SNTG2: variants seen among roughly 807,000 people sequenced by gnomAD.
SNTG2 encodes syntrophin gamma 2.
Under a neutral mutation model 70.9 loss-of-function variants are expected in SNTG2, and 74 were observed. The observed-to-expected ratio is 1.04, with a 90% CI of 0.86 to 1.27. The LOEUF (loss-of-function observed/expected upper bound fraction) is 1.27, where lower values mean the gene tolerates loss of function less well. Among genes scored for constraint, SNTG2 ranks in the 50% most tolerant of loss-of-function variants. The probability of loss-of-function intolerance (pLI) is 0.00; values close to 1 mark genes in which losing one functional copy is unlikely to be tolerated. For synonymous variants in SNTG2, 278 were observed against 273.8 expected, an observed-to-expected ratio of 1.02 and a Z score of -0.15; for missense variants, 717 against 690.7, an observed-to-expected ratio of 1.04 and a Z score of -0.43.
chr2:1,270,181 A>G (rs187636781), intron 14 of SNTG2, among the ~76,000 whole-genome samples: 1 of 152,256 alleles, frequency 6.6e-6, no homozygotes, highest in African/African-American at 2.4e-5. Flanking sequence ...CCAGGTAGTG[A>G]CCTGACTCCT....
At chr2:1,134,614 A>G (rs1276308621) in intron 4 of SNTG2, among the ~76,000 whole-genome samples, 2 of 152,166 alleles carry the variant, frequency 1.3e-5, no homozygotes, top group Admixed American at 6.5e-5. Flanking sequence ...TTAGCTAGAC[A>G]TAAAGGTTCT....
In SNTG2 at chr2:1,072,877, C is replaced by T. The variant is rs552506649; in HGVS notation, c.73-10641C>T. ...ACTTCGGAAGATGGTGATTCCAGCCCTCATGGGTGACTATGAGGGATTTAA... is the reference window on the plus strand; with the variant it reads ...ACTTCGGAAGATGGTGATTCCAGCCTTCATGGGTGACTATGAGGGATTTAA... On this transcript the variant is annotated intron_variant, in intron 1 of 16. Coordinates refer to ENST00000308624, the MANE Select transcript of SNTG2 (RefSeq NM_018968.4). Among the ~76,000 whole-genome samples the T allele has an allele frequency of 3.9e-5, 6 of 152,238 alleles. No individual in the cohort carries two copies. The South Asian group carries it at 1.0e-3, about 26-fold the overall frequency.
intron 4 of SNTG2, among the ~76,000 whole-genome samples, chr2:1,128,235 AATTT>A (rs1450078833): frequency 1.3e-5 from 2 of 152,202 alleles, no homozygotes; most frequent in African/African-American, 4.8e-5. Flanking sequence ...TAAGGAATGC[AATTT>A]ATTCATTTTC....
Position 1,062,915 on chromosome 2 carries a change from TACAC to T in SNTG2, c.73-20597_73-20594del, listed in dbSNP as rs950978033. Among the ~76,000 whole-genome samples, 58 of 152,320 alleles carry T rather than the reference TACAC, an allele frequency of 3.8e-4. No individual in the cohort carries two copies. The Middle Eastern group carries it at 0.02, about 54-fold the overall frequency. On this transcript the variant is annotated intron_variant, in intron 1 of 16. Transcript: ENST00000308624. ...ATACATATACACACATATACATACA[TACAC>T]ACACAGCTTGGTTACAATGCATATT...
intron 1 of SNTG2, among the ~76,000 whole-genome samples, chr2:1,066,592 T>G (rs1288001604): frequency 6.6e-6 from 1 of 152,084 alleles, no homozygotes; most frequent in Non-Finnish European, 1.5e-5. Flanking sequence ...AGCTTCTTGA[T>G]CCAGCCACTG....
chr2:1,256,685 A>G (rs901738421), intron 12 of SNTG2: 3 of 152,076 alleles, frequency 2.0e-5, no homozygotes, highest in African/African-American at 7.2e-5. Flanking sequence ...TAAATTAGAG[A>G]AGCATTCACA....
chr2:1,207,139 T>C (rs541661077), intron 8 of SNTG2, among the ~76,000 whole-genome samples: 1 of 152,244 alleles, frequency 6.6e-6, no homozygotes, highest in Non-Finnish European at 1.5e-5. Context: ...GTAGTCTATG[T>C]AGACAAATGG....
chr2:1,147,679 G>A (rs59442631), intron 6 of SNTG2, among the ~76,000 whole-genome samples: 1 of 152,062 alleles, frequency 6.6e-6, no homozygotes, highest in African/African-American at 2.4e-5. Context: ...AAGTATGGGG[G>A]GTAAGAGTCA....
At chr2:1,176,862 A>C (rs1671512299) in intron 8 of SNTG2, among the ~76,000 whole-genome samples, 1 of 152,160 alleles carries the variant, frequency 6.6e-6, no homozygotes, top group Non-Finnish European at 1.5e-5. Context: ...AGAAATAGGA[A>C]CACTTTTTCA....
chr2:1,195,697 C>G (rs1319323256), intron 8 of SNTG2, among the ~76,000 whole-genome samples: 1 of 152,124 alleles, frequency 6.6e-6, no homozygotes, highest in Non-Finnish European at 1.5e-5. Flanking sequence ...ATGATGGTTT[C>G]TTTTGCTGTG....
At chr2:1,129,109 C>T (rs1174665125) in intron 4 of SNTG2, among the ~76,000 whole-genome samples, 7 of 152,092 alleles carry the variant, frequency 4.6e-5, no homozygotes, top group Non-Finnish European at 8.8e-5. Flanking sequence ...TCAGAAAGTA[C>T]CAAAAGTGAG....
chr2:1,301,929 A>G (rs991747502), intron 14 of SNTG2, among the ~76,000 whole-genome samples: 1 of 152,096 alleles, frequency 6.6e-6, no homozygotes, highest in East Asian at 1.9e-4. Flanking sequence ...TGCAGGTGAC[A>G]CCACAGACAT....
rs565864523 is a variant in SNTG2 at position 998,639 on chromosome 2, A to T, written c.72+47571A>T. ...TAAGGCCTTTAAAGAGTATGGGATTATGTAAAATATCCACACCTACAATTC... is the reference window on the plus strand; with the variant it reads ...TAAGGCCTTTAAAGAGTATGGGATTTTGTAAAATATCCACACCTACAATTC... On this transcript the variant is annotated intron_variant, in intron 1 of 16. Transcript: ENST00000308624. Among the ~76,000 whole-genome samples the T allele has an allele frequency of 1.2e-3, 182 of 152,226 alleles. 1 individual carries two copies. The highest frequency in any genetic ancestry group is 4.3e-3 in the African/African-American group (178 of 41,572).
At chr2:1,171,793 T>A (rs945138898) in intron 7 of SNTG2, among the ~76,000 whole-genome samples, 2 of 152,242 alleles carry the variant, frequency 1.3e-5, no homozygotes, top group Admixed American at 6.5e-5. Context: ...TCTTTGTAGA[T>A]ATTATACAGC....
chr2:1,226,782 G>C (rs985243201), intron 9 of SNTG2, among the ~76,000 whole-genome samples: 1 of 152,248 alleles, frequency 6.6e-6, no homozygotes. Context: ...AATTTAGCCT[G>C]TAAGAATCTT....
chr2:1,078,699 A>G (rs1664085569), intron 1 of SNTG2, among the ~76,000 whole-genome samples: 1 of 152,164 alleles, frequency 6.6e-6, no homozygotes, highest in East Asian at 1.9e-4. Flanking sequence ...CCCAGCTGTG[A>G]CCTTAAGAAT....
intron 14 of SNTG2, among the ~76,000 whole-genome samples, chr2:1,297,411 A>G (rs1680263385): frequency 6.6e-6 from 1 of 152,214 alleles, no homozygotes; most frequent in Non-Finnish European, 1.5e-5. Flanking sequence ...CCTTGTGTCT[A>G]TTGCATGAGC....
chr2:1,058,155 A>T (rs1482063915), intron 1 of SNTG2, among the ~76,000 whole-genome samples: 1 of 152,120 alleles, frequency 6.6e-6, no homozygotes, highest in East Asian at 1.9e-4. Flanking sequence ...AAGAGATATG[A>T]TTGTGTGTCA....
At position 1,247,425 on chromosome 2, in the gene SNTG2, C is replaced by A. The variant is rs761176950; in HGVS notation, c.987C>A (p.Tyr329Ter). Residue 329 changes from tyrosine to a stop codon, truncating the protein, a stop_gained, in exon 12 of 17, where the codon TAC (tyrosine) becomes TAA (stop). Coordinates refer to ENST00000308624, the MANE Select transcript of SNTG2 (RefSeq NM_018968.4). LOFTEE classifies it high-confidence loss of function. The part of the protein sequence containing the change: ...KFLALKGPSF[Y>*]VFSTPPVSTF... ...TAGCACTGAAGGGCCCGTCCTTCTA[C>A]GTTTTCAGCACTCCTCCGGTAAGGA... 6.2e-7 allele frequency: 1 copy of A among 1,612,840 alleles called. No individual in the cohort carries two copies. Among genetic ancestry groups the A allele is most frequent in the Non-Finnish European group, 8.5e-7 (1 of 1,178,846 alleles).
Sources: gnomAD v4.1 joint callset for allele counts (sites outside exome capture counted in the v4.1 genomes callset) on GRCh38, gnomAD v4.1.1 for gene constraint, MANE v1.5 for transcripts, NCBI Gene and HGNC (gene_info 2026-07-23, HGNC 2026-07-21) for gene names.